SDHC: variants seen among roughly 807,000 people sequenced by gnomAD.
SDHC encodes the protein succinate dehydrogenase cytochrome b560 subunit, mitochondrial.
In SDHC, 11 loss-of-function variants were observed where a neutral mutation model predicts 22.6. The observed-to-expected ratio is 0.49, with a 90% CI of 0.31 to 0.81. The LOEUF (loss-of-function observed/expected upper bound fraction) is 0.81. Ranked by LOEUF, SDHC falls within the 30% of genes least tolerant of loss-of-function variation. The pLI is 0.05. For synonymous variants in SDHC, 80 were observed against 77.8 expected, an observed-to-expected ratio of 1.03 and a Z score of -0.15; for missense variants, 160 against 212.0, an observed-to-expected ratio of 0.75 and a Z score of 1.52.
chr1:161,340,705 G>C (rs1448405642), intron 4 of SDHC, 50 bp downstream of exon 4: 1 of 1,520,588 alleles, frequency 6.6e-7, no homozygotes, highest in Non-Finnish European at 9.1e-7. Flanking sequence ...TGAAAAACTT[G>C]GCTGTTTCAT....
At chr1:161,322,985 C>G (rs998553165) in intron 1 of SDHC, among the ~76,000 whole-genome samples, 3 of 152,062 alleles carry the variant, frequency 2.0e-5, no homozygotes, top group African/African-American at 7.2e-5. Flanking sequence ...TAGACATCAC[C>G]TCCTGTAAGA....
intron 1 of SDHC, among the ~76,000 whole-genome samples, chr1:161,322,601 C>G (rs1296512489): frequency 6.6e-6 from 1 of 151,596 alleles, no homozygotes; most frequent in Non-Finnish European, 1.5e-5. Flanking sequence ...AGGTCTAGCC[C>G]TGTCACCCAG....
chr1:161,316,561 A>G lies in SDHC; in HGVS notation c.20+2136A>G, dbSNP rs143535801. On this transcript the variant is annotated intron_variant, in intron 1 of 5. Coordinates refer to ENST00000367975, the MANE Select transcript of SDHC (RefSeq NM_003001.5). ...ATGGAGTCTCTTATGTCTGCTTTCT[A>G]TACGGACACCTTAACAATCTGATCT... Among the ~76,000 whole-genome samples the G allele has an allele frequency of 3.1e-3, 468 of 152,344 alleles. 2 individuals carry two copies. Among genetic ancestry groups the G allele is most frequent in the Non-Finnish European group, 5.0e-3 (338 of 68,024 alleles).
intron 3 of SDHC, chr1:161,339,611 C>T: frequency 9.1e-7 from 1 of 1,093,338 alleles, no homozygotes; most frequent in Non-Finnish European, 1.2e-6. Flanking sequence ...CTCCATAAAT[C>T]AGTTTTCTTT....
At chr1:161,326,679 G>A (rs1671067409) in intron 2 of SDHC, 1 of 147,934 alleles carries the variant, frequency 6.8e-6, no homozygotes, top group Non-Finnish European at 1.5e-5. Context: ...AGGCTGGAGT[G>A]TAGTGGCGTG....
intron 1 of SDHC, 166 bp downstream of exon 1, chr1:161,314,591 C>G (rs946274204): frequency 1.2e-5 from 9 of 770,416 alleles, no homozygotes; most frequent in African/African-American, 6.9e-5. Context: ...TCCCGTCCCC[C>G]CCAGCCGCTC....
At chr1:161,326,576 TATA>T (rs2102303024) in intron 2 of SDHC, 1 of 145,536 alleles carries the variant, frequency 6.9e-6, no homozygotes, top group African/African-American at 2.5e-5. Flanking sequence ...TATATATATA[TATA>T]TTAGGTCTTT....
At chr1:161,314,478 C>T (rs2102272249) in intron 1 of SDHC, 53 bp downstream of exon 1, 1 of 1,598,462 alleles carries the variant, frequency 6.3e-7, no homozygotes, top group South Asian at 1.1e-5. Context: ...GAGATCTGAA[C>T]TGGCCCCTCA....
intron 4 of SDHC, among the ~76,000 whole-genome samples, chr1:161,341,334 C>G (rs1449338447): frequency 6.6e-6 from 1 of 152,142 alleles, no homozygotes. Context: ...TGCTCAGTCC[C>G]CCAAAGACTA....
intron 4 of SDHC, among the ~76,000 whole-genome samples, chr1:161,355,259 T>C (rs1305496459): frequency 2.0e-5 from 3 of 152,250 alleles, no homozygotes; most frequent in African/African-American, 7.2e-5. Flanking sequence ...CATGCACTGA[T>C]TGGCCATTTA....
chr1:161,359,790 T>G (rs970078982), intron 5 of SDHC, among the ~76,000 whole-genome samples: 1 of 152,198 alleles, frequency 6.6e-6, no homozygotes, highest in Admixed American at 6.6e-5. Flanking sequence ...GCCTCTGAAC[T>G]TGATAGTTGA....
intron 2 of SDHC, 54 bp from the exon 3 acceptor site, chr1:161,328,342 A>G: frequency 4.3e-6 from 6 of 1,394,646 alleles, no homozygotes; most frequent in Non-Finnish European, 5.1e-6. Context: ...GTTATGCAAA[A>G]TATTAAACCA....
Position 161,322,714 on chromosome 1 carries a change from G to A in SDHC, c.21-900G>A, listed in dbSNP as rs765354451. Among the ~76,000 whole-genome samples, 84 of 151,850 alleles carry A rather than the reference G, an allele frequency of 5.5e-4. 1 individual carries two copies. Among genetic ancestry groups the A allele is most frequent in the South Asian group, 1.2e-3 (6 of 4,806 alleles). On this transcript the variant is annotated intron_variant, in intron 1 of 5. Transcript: ENST00000367975. ...CCAGAGTAGCTCGTATTATAGGTGT[G>A]CACTACCACACCCAACTAATTTTCA...
intron 3 of SDHC, among the ~76,000 whole-genome samples, chr1:161,330,021 A>C (rs1402682888): frequency 1.3e-5 from 2 of 152,182 alleles, no homozygotes; most frequent in African/African-American, 4.8e-5. Context: ...AATATCTGCA[A>C]AGTTCTTTTT....
chr1:161,319,433 GT>G (rs759145734), intron 1 of SDHC, among the ~76,000 whole-genome samples: 113 of 135,836 alleles, frequency 8.3e-4, no homozygotes, highest in Non-Finnish European at 1.0e-3. Flanking sequence ...GGAATTGGTT[GT>G]TTTTTTTTTT....
chr1:161,315,207 C>G (rs1453447183), intron 1 of SDHC, among the ~76,000 whole-genome samples: 1 of 152,156 alleles, frequency 6.6e-6, no homozygotes, highest in East Asian at 1.9e-4. Context: ...TTTGTGCCAG[C>G]CTTATTTTTG....
intron 1 of SDHC, among the ~76,000 whole-genome samples, chr1:161,322,903 A>G (rs190176978): frequency 6.6e-6 from 1 of 152,120 alleles, no homozygotes; most frequent in East Asian, 1.9e-4. Context: ...TATTTGCTAA[A>G]GCTAAGCTAT....
At chr1:161,334,719 C>CCCAGA (rs142767142) in intron 3 of SDHC, among the ~76,000 whole-genome samples, 17,657 of 151,854 alleles carry the variant, frequency 0.12, 1,394 homozygotes, top group African/African-American at 0.21. Flanking sequence ...GATTACGGCT[C>CCCAGA]ACTCCCTCTT....
At chr1:161,325,001 G>A (rs1474028638) in intron 2 of SDHC, among the ~76,000 whole-genome samples, 1 of 152,090 alleles carries the variant, frequency 6.6e-6, no homozygotes, top group Non-Finnish European at 1.5e-5. Context: ...AGGAGTTCAA[G>A]ACCAGCCTGG....
Sources: gnomAD v4.1 joint callset for allele counts (sites outside exome capture counted in the v4.1 genomes callset) on GRCh38, gnomAD v4.1.1 for gene constraint, MANE v1.5 for transcripts, NCBI Gene and HGNC (gene_info 2026-07-23, HGNC 2026-07-21) for gene names.